The following RNF220 variants were observed in gnomAD, a reference collection of about 807,000 sequenced individuals.
The protein encoded by RNF220 is ring finger protein 220.
Under a neutral mutation model 67.1 loss-of-function variants are expected in RNF220, and 7 were observed. That is an observed-to-expected ratio of 0.10 (90% CI 0.06 to 0.20). RNF220 has a LOEUF of 0.20. RNF220 is among the 10% of genes least tolerant of loss of function. The pLI is 1.00. For missense variants in RNF220, 565 were observed against 740.3 expected, an observed-to-expected ratio of 0.76 and a Z score of 2.75; for synonymous variants, 270 against 283.2, an observed-to-expected ratio of 0.95 and a Z score of 0.47.
intron 2 of RNF220, among the ~76,000 whole-genome samples, chr1:44,610,287 C>CA: frequency 6.6e-6 from 1 of 152,232 alleles, no homozygotes; most frequent in Non-Finnish European, 1.5e-5. Context: ...TCCTCGTTAT[C>CA]AGTGCAAGGG....
rs560229747 is a variant in RNF220, at chr1:44,569,894, A to G, written c.626-44271A>G. Among the ~76,000 whole-genome samples the G allele has an allele frequency of 1.1e-4, 16 of 152,310 alleles. 1 individual carries two copies. The highest frequency in any genetic ancestry group is 1.4e-4 in the African/African-American group (6 of 41,574). On this transcript the variant is annotated intron_variant, in intron 2 of 14. Coordinates refer to ENST00000361799, the MANE Select transcript of RNF220 (RefSeq NM_018150.4). ...GGCCCCAGCAGGAGTTCATAGTCTG[A>G]AAGGGGTAGCAGGCCTATGATGGTG...
intron 5 of RNF220, chr1:44,627,034 T>TAA (rs1643966188): frequency 3.1e-5 from 1 of 31,890 alleles, no homozygotes; most frequent in Non-Finnish European, 4.8e-5. Flanking sequence ...AGACTCCATC[T>TAA]CAAAAAAAAA....
At chr1:44,454,425 C>T (rs1419623581) in intron 2 of RNF220, among the ~76,000 whole-genome samples, 2 of 152,082 alleles carry the variant, frequency 1.3e-5, no homozygotes, top group African/African-American at 4.8e-5. Flanking sequence ...GTCATGCTTA[C>T]ATTACAATTT....
intron 8 of RNF220, among the ~76,000 whole-genome samples, chr1:44,640,773 A>G (rs909106705): frequency 6.6e-6 from 1 of 152,192 alleles, no homozygotes; most frequent in Non-Finnish European, 1.5e-5. Flanking sequence ...GATGGCGTTT[A>G]CACAAGACAC....
chr1:44,425,582 G>A (rs1246578983), intron 2 of RNF220, among the ~76,000 whole-genome samples: 1 of 152,138 alleles, frequency 6.6e-6, no homozygotes, highest in Non-Finnish European at 1.5e-5. Context: ...TTCAGCAATA[G>A]GGCAACAGCA....
At chr1:44,619,661 C>T (rs552352047) in intron 3 of RNF220, among the ~76,000 whole-genome samples, 1 of 152,144 alleles carries the variant, frequency 6.6e-6, no homozygotes, top group African/African-American at 2.4e-5. Context: ...CACTAGGCAG[C>T]GAGTGACTGA....
chr1:44,602,623 G>T (rs1666999435), intron 2 of RNF220, among the ~76,000 whole-genome samples: 1 of 151,792 alleles, frequency 6.6e-6, no homozygotes, highest in Non-Finnish European at 1.5e-5. Context: ...TCCCCAACTT[G>T]ATGTCCCTCC....
At position 44,611,589 on chromosome 1, in the gene RNF220, C is replaced by T. The variant is rs181537999; in HGVS notation, c.626-2576C>T. On this transcript the variant is annotated intron_variant, in intron 2 of 14. Transcript: ENST00000361799. ...AGCAACCTGTCAACTCCCTTACTCA[C>T]TCCTCGTGCCTCCCACTGAGCATCA... Among the ~76,000 whole-genome samples, 7 of 152,346 alleles carry T rather than the reference C, an allele frequency of 4.6e-5. No individual in the cohort carries two copies. In the East Asian group the frequency reaches 1.2e-3, roughly 25 times the overall value.
At chr1:44,423,434 T>C (rs1289271359) in intron 2 of RNF220, among the ~76,000 whole-genome samples, 1 of 152,202 alleles carries the variant, frequency 6.6e-6, no homozygotes, top group Non-Finnish European at 1.5e-5. Flanking sequence ...TTGGTGCTTA[T>C]GTGGCTCTGA....
chr1:44,585,937 C>G (rs373715966), intron 2 of RNF220, among the ~76,000 whole-genome samples: 16 of 152,092 alleles, frequency 1.1e-4, no homozygotes, highest in African/African-American at 3.9e-4. Flanking sequence ...GGCTGTAGAC[C>G]CGAATCTACC....
chr1:44,549,095 G>A (rs974014440), intron 2 of RNF220, among the ~76,000 whole-genome samples: 6 of 152,138 alleles, frequency 3.9e-5, no homozygotes, highest in East Asian at 1.9e-4. Flanking sequence ...GCTGAGACAC[G>A]AGAATCACTT....
chr1:44,423,755 A>G, intron 2 of RNF220: 1 of 807,684 alleles, frequency 1.2e-6, no homozygotes, highest in Non-Finnish European at 1.5e-6. Flanking sequence ...CCGTTAAACT[A>G]AGCCACATAG....
intron 2 of RNF220, among the ~76,000 whole-genome samples, chr1:44,487,370 T>TA (rs1447088457): frequency 2.0e-5 from 3 of 150,044 alleles, no homozygotes; most frequent in Non-Finnish European, 4.4e-5. Context: ...TAAATAATTT[T>TA]AAAAAATAAA....
At chr1:44,524,426 C>G (rs1171138026) in intron 2 of RNF220, among the ~76,000 whole-genome samples, 3 of 152,070 alleles carry the variant, frequency 2.0e-5, no homozygotes, top group Non-Finnish European at 2.9e-5. Context: ...CTTGGCCAAC[C>G]CCTTCCTCAA....
intron 2 of RNF220, among the ~76,000 whole-genome samples, chr1:44,474,129 C>T (rs895850717): frequency 1.3e-5 from 2 of 152,044 alleles, no homozygotes; most frequent in African/African-American, 4.8e-5. Context: ...AATCCCAGCA[C>T]TTTGGGAAGC....
intron 6 of RNF220, 132 bp downstream of exon 6, chr1:44,632,517 C>CT: frequency 1.1e-6 from 1 of 888,384 alleles, no homozygotes; most frequent in Non-Finnish European, 1.8e-6. Context: ...GTCACGGCGC[C>CT]TGAGTATGTG....
At chr1:44,535,852 A>C (rs1244725072) in intron 2 of RNF220, among the ~76,000 whole-genome samples, 1 of 152,142 alleles carries the variant, frequency 6.6e-6, no homozygotes, top group Non-Finnish European at 1.5e-5. Flanking sequence ...GCCCATTCCC[A>C]ACAGTGAGGC....
chr1:44,431,114 T>TA (rs978101802), intron 2 of RNF220, among the ~76,000 whole-genome samples: 2 of 152,258 alleles, frequency 1.3e-5, no homozygotes, highest in South Asian at 2.1e-4. Flanking sequence ...AGTTAGTTTG[T>TA]AAAAAAGGTT....
chr1:44,456,889 T>C (rs1470388030), intron 2 of RNF220, among the ~76,000 whole-genome samples: 2 of 152,116 alleles, frequency 1.3e-5, no homozygotes, highest in Non-Finnish European at 2.9e-5. Flanking sequence ...CACACTGGAC[T>C]TCTTTCAGTT....
Sources: allele counts gnomAD v4.1 joint callset (sites outside exome capture counted in the v4.1 genomes callset), GRCh38; gene constraint gnomAD v4.1.1; transcripts MANE v1.5; gene names NCBI Gene and HGNC (gene_info 2026-07-23, HGNC 2026-07-21).